RANBP17: variants seen among roughly 807,000 people sequenced by gnomAD.
RANBP17 encodes the protein RAN binding protein 17, also known as ran-binding protein 17.
In RANBP17, 158 loss-of-function variants were observed where a neutral mutation model predicts 141.2. The ratio of observed to expected loss-of-function variants is 1.12; its 90% CI spans 0.98 to 1.28. The LOEUF is 1.28. Among genes scored for constraint, RANBP17 ranks in the 50% most tolerant of loss-of-function variants. The pLI is 0.00. For missense variants in RANBP17, 1,438 were observed against 1,290.7 expected (o/e 1.11, Z -1.75); for synonymous variants, 430 against 450.0 (o/e 0.96, Z 0.56).
chr5:170,939,357 T>A (rs1774137689), intron 12 of RANBP17, among the ~76,000 whole-genome samples: 1 of 147,464 alleles, frequency 6.8e-6, no homozygotes, highest in African/African-American at 2.6e-5. Context: ...TCAAAAATTT[T>A]ATTTTATTTA....
chr5:171,240,976 CA>C lies in RANBP17; in HGVS notation c.2473del (p.Met825Ter). 6.2e-7 allele frequency: 1 copy of C among 1,613,812 alleles called. No homozygotes were observed. The highest frequency in any genetic ancestry group is 8.5e-7 in the Non-Finnish European group (1 of 1,179,838). The part of the protein sequence containing the change: ...LGSLSKDQIY[P>X]MKLKGISICY... ...AGCCTCTCAAAAGATCAGATTTATCCAATGAAACTCAAGGGCATCTCCATCT... is the reference window on the plus strand; with the variant it reads ...AGCCTCTCAAAAGATCAGATTTATCCATGAAACTCAAGGGCATCTCCATCT... On this transcript the variant is annotated frameshift_variant, in exon 23 of 28. Transcript: ENST00000523189. LOFTEE classifies it high-confidence loss of function.
intron 14 of RANBP17, among the ~76,000 whole-genome samples, chr5:171,018,377 T>C (rs1056730397): frequency 6.6e-6 from 1 of 152,210 alleles, no homozygotes; most frequent in African/African-American, 2.4e-5. Context: ...TATTGATTCT[T>C]CCTATCCGTG....
At chr5:171,016,812 G>A (rs370217416) in intron 14 of RANBP17, among the ~76,000 whole-genome samples, 7 of 151,532 alleles carry the variant, frequency 4.6e-5, no homozygotes, top group South Asian at 2.1e-4. Flanking sequence ...CGGGATACAC[G>A]TGCAGAACGT....
chr5:170,883,892 T>C (rs1424016149), intron 3 of RANBP17, among the ~76,000 whole-genome samples: 1 of 152,248 alleles, frequency 6.6e-6, no homozygotes, highest in Non-Finnish European at 1.5e-5. Flanking sequence ...TTGACAATTA[T>C]GAATAAAGCT....
chr5:171,002,161 A>G (rs970104044), intron 14 of RANBP17, among the ~76,000 whole-genome samples: 41 of 152,152 alleles, frequency 2.7e-4, no homozygotes, highest in African/African-American at 9.7e-4. Context: ...ACCTACATGG[A>G]AGAGGTTATG....
chr5:171,089,369 A>G (rs957827680), intron 14 of RANBP17, among the ~76,000 whole-genome samples: 18 of 149,592 alleles, frequency 1.2e-4, no homozygotes, highest in African/African-American at 4.4e-4. Flanking sequence ...CAAAGCTGTC[A>G]GACAGGGACA....
intron 14 of RANBP17, among the ~76,000 whole-genome samples, chr5:171,156,580 A>G (rs1758917275): frequency 6.6e-6 from 1 of 152,160 alleles, no homozygotes; most frequent in South Asian, 2.1e-4. Flanking sequence ...TTAATAGGAC[A>G]CAAATATAGA....
rs146846654 is a variant in RANBP17, at chr5:171,239,238, A to G, written c.2423-1690A>G. 1.8e-3 allele frequency among the ~76,000 whole-genome samples: 269 copies of G among 152,302 alleles called. 1 individual carries two copies. The highest frequency in any genetic ancestry group is 5.7e-3 in the African/African-American group (237 of 41,560). On this transcript the variant is annotated intron_variant, in intron 22 of 27. Transcript: ENST00000523189. Reference sequence around the variant, plus strand: ...ATATATAAATTATAAGCAAAGTTATATGGACTTCTAAGGCTACACAGAAGA... The same window carrying G: ...ATATATAAATTATAAGCAAAGTTATGTGGACTTCTAAGGCTACACAGAAGA...
chr5:171,020,662 G>C (rs907192481), intron 14 of RANBP17, among the ~76,000 whole-genome samples: 10 of 150,964 alleles, frequency 6.6e-5, no homozygotes, highest in South Asian at 2.1e-4. Flanking sequence ...TTGAGCCTAT[G>C]TGTGTCTTTG....
At chr5:171,020,897 G>C (rs781668519) in intron 14 of RANBP17, among the ~76,000 whole-genome samples, 1 of 152,138 alleles carries the variant, frequency 6.6e-6, no homozygotes, top group Non-Finnish European at 1.5e-5. Flanking sequence ...GTGTGTTTTT[G>C]CAGTGGCTGG....
intron 14 of RANBP17, among the ~76,000 whole-genome samples, chr5:171,119,838 G>A (rs761415013): frequency 9.9e-5 from 15 of 151,870 alleles, no homozygotes; most frequent in Admixed American, 5.2e-4. Flanking sequence ...TCAGGAGTTC[G>A]AGACCAGCCT....
chr5:170,902,878 T>C (rs939672768), intron 5 of RANBP17, among the ~76,000 whole-genome samples: 2 of 152,294 alleles, frequency 1.3e-5, no homozygotes, highest in East Asian at 3.9e-4. Flanking sequence ...GATTGCTGCC[T>C]GTTTCCTCTT....
In RANBP17 at chr5:171,148,392, A is replaced by G. The variant is rs375588717; in HGVS notation, c.1711-21738A>G. Among the ~76,000 whole-genome samples, 198 of 152,274 alleles carry G rather than the reference A, an allele frequency of 1.3e-3. 9 individuals carry two copies. In the South Asian group the frequency reaches 0.04, roughly 30 times the overall value. On this transcript the variant is annotated intron_variant, in intron 14 of 27. Transcript: ENST00000523189. Reference sequence around the variant, plus strand: ...ACACCCAAGAATTATCAATAAAAAAATAAATTTAAAAAAAAAATTTTTAAT... The same window carrying G: ...ACACCCAAGAATTATCAATAAAAAAGTAAATTTAAAAAAAAAATTTTTAAT...
chr5:171,158,133 A>G (rs1313394035), intron 14 of RANBP17, among the ~76,000 whole-genome samples: 1 of 152,254 alleles, frequency 6.6e-6, no homozygotes, highest in East Asian at 1.9e-4. Flanking sequence ...TGGTGAATAT[A>G]GTGCTTTATC....
At chr5:170,914,661 C>G (rs1392990634) in intron 8 of RANBP17, among the ~76,000 whole-genome samples, 1 of 152,146 alleles carries the variant, frequency 6.6e-6, no homozygotes, top group Non-Finnish European at 1.5e-5. Flanking sequence ...CTTCAGATCT[C>G]TGAATAAGAA....
intron 25 of RANBP17, among the ~76,000 whole-genome samples, chr5:171,267,585 G>A (rs112173259): frequency 2.6e-5 from 4 of 152,228 alleles, no homozygotes; most frequent in East Asian, 3.9e-4. Flanking sequence ...AAGGCAGGTG[G>A]ATCATGAGGT....
At position 170,955,678 on chromosome 5, in the gene RANBP17, A is replaced by G. The variant is rs1186162562; in HGVS notation, c.1574+1976A>G. Among the ~76,000 whole-genome samples, 337 of 79,576 alleles carry G rather than the reference A, an allele frequency of 4.2e-3. 29 individuals carry two copies. The highest frequency in any genetic ancestry group is 0.015 in the African/African-American group (325 of 21,494). The allele number at this position is 79,576 out of a possible 152,430, so 52.2% of individuals were successfully genotyped here. A position where few individuals can be genotyped will look rare whatever the true frequency, so the allele number is the denominator to read the frequency against. On this transcript the variant is annotated intron_variant, in intron 13 of 27. Transcript: ENST00000523189. The stretch of plus-strand genomic sequence containing the variant: ...TATATATATATATATATATATATAT[A>G]TATACACTGAATGAACTCTGTAGAG...
At chr5:170,979,082 A>G (rs913466934) in intron 14 of RANBP17, among the ~76,000 whole-genome samples, 9 of 152,226 alleles carry the variant, frequency 5.9e-5, no homozygotes, top group Admixed American at 3.3e-4. Flanking sequence ...TGACATTCCT[A>G]TGTCAAATAT....
chr5:170,991,491 T>C (rs1778506338), intron 14 of RANBP17, among the ~76,000 whole-genome samples: 1 of 151,972 alleles, frequency 6.6e-6, no homozygotes, highest in Admixed American at 6.6e-5. Flanking sequence ...ACTTGGCTTG[T>C]GATTCCTTTT....
Sources: gnomAD v4.1 joint callset for allele counts (sites outside exome capture counted in the v4.1 genomes callset) on GRCh38, gnomAD v4.1.1 for gene constraint, MANE v1.5 for transcripts, NCBI Gene and HGNC (gene_info 2026-07-23, HGNC 2026-07-21) for gene names.